Variants in HELZ observed in about 807,000 individuals in gnomAD.
The protein encoded by HELZ is ATP-dependent RNA helicase with zinc finger domain.
A neutral mutation model predicts 218.2 loss-of-function variants in HELZ; 23 were observed. The ratio of observed to expected loss-of-function variants is 0.11; its 90% CI spans 0.08 to 0.15. The LOEUF (loss-of-function observed/expected upper bound fraction) is 0.15. Ranked by LOEUF, HELZ falls within the 10% of genes least tolerant of loss-of-function variation. The pLI is 1.00. For synonymous variants in HELZ, 814 were observed against 829.4 expected (o/e 0.98, Z 0.32); for missense variants, 1,813 against 2,353.7 (o/e 0.77, Z 4.75).
chr17:67,171,961 A>C (rs973868987), intron 13 of HELZ, among the ~76,000 whole-genome samples: 2 of 151,640 alleles, frequency 1.3e-5, no homozygotes, highest in African/African-American at 4.9e-5. Flanking sequence ...CCTCCCGAGT[A>C]GCTGGGATTA....
intron 13 of HELZ, among the ~76,000 whole-genome samples, chr17:67,178,230 G>A (rs899344954): frequency 1.3e-5 from 2 of 152,042 alleles, no homozygotes; most frequent in South Asian, 2.1e-4. Flanking sequence ...TTATTAACCC[G>A]TTTTCCTGAA....
At position 67,076,902 on chromosome 17, in the gene HELZ, T is replaced by C. The variant is rs928768896; in HGVS notation, c.*1350A>G. On this transcript the variant is annotated 3_prime_UTR_variant, in exon 33 of 33. Transcript: ENST00000358691. The stretch of plus-strand genomic sequence containing the variant: ...GTAGTTTCGAGATACCTCTGAAATA[T>C]AAAAGTAGTATTACAAGGTCAGGAA... 1 of 152,148 alleles carries C rather than the reference T, an allele frequency of 6.6e-6. No homozygotes were observed. Among genetic ancestry groups the C allele is most frequent in the Non-Finnish European group, 1.5e-5 (1 of 68,036 alleles). 9.4% of individuals were successfully genotyped at this position (152,148 alleles called of 1,614,324 possible).
chr17:67,195,466 G>A lies in HELZ; in HGVS notation c.434C>T (p.Ala145Val). 1.3e-6 allele frequency: 2 copies of A among 1,594,794 alleles called. 1 individual carries two copies. The highest frequency in any genetic ancestry group is 4.5e-5 in the East Asian group (2 of 44,766). The change falls in exon 8 of 33, where the codon GCA becomes GTA. Residue 145 changes from alanine to valine, a missense_variant. Coordinates refer to ENST00000358691, the MANE Select transcript of HELZ (RefSeq NM_014877.4). ...ATATCCAGAGAGGGCGTTACTAGTT[G>A]CTGTCTGCAATTTTCCAAATGAAAG... ...LKTLLSETET[A>V]TSNALSGYHV...
chr17:67,157,877 C>T (rs1006540717), intron 17 of HELZ, among the ~76,000 whole-genome samples: 1 of 152,182 alleles, frequency 6.6e-6, no homozygotes, highest in African/African-American at 2.4e-5. Flanking sequence ...AAATACACCC[C>T]TCCATAGATG....
intron 3 of HELZ, among the ~76,000 whole-genome samples, chr17:67,221,842 GT>G (rs375220068): frequency 0.015 from 2,014 of 131,220 alleles, 18 homozygotes; most frequent in South Asian, 0.03. Flanking sequence ...TGTTTTTTGT[GT>G]TTTTTTTTTT....
At chr17:67,241,206 C>T (rs1247216332) in intron 2 of HELZ, among the ~76,000 whole-genome samples, 1 of 152,190 alleles carries the variant, frequency 6.6e-6, no homozygotes, top group African/African-American at 2.4e-5. Context: ...GTATATTCAC[C>T]TAAGTTTATG....
At chr17:67,155,889 A>G (rs2038825975) in intron 17 of HELZ, among the ~76,000 whole-genome samples, 1 of 150,964 alleles carries the variant, frequency 6.6e-6, no homozygotes, top group Non-Finnish European at 1.5e-5. Context: ...AATATCCAAA[A>G]CCAAATTAAG....
At chr17:67,179,040 G>C in intron 12 of HELZ, 114 bp from the exon 13 acceptor site, 1 of 656,798 alleles carries the variant, frequency 1.5e-6, no homozygotes, top group Non-Finnish European at 2.5e-6. Flanking sequence ...ATATGCTAGA[G>C]CTCAAATTCT....
At chr17:67,183,739 C>T (rs1298995862) in intron 12 of HELZ, among the ~76,000 whole-genome samples, 1 of 152,112 alleles carries the variant, frequency 6.6e-6, no homozygotes, top group Non-Finnish European at 1.5e-5. Context: ...GGGGATAACT[C>T]ACTAGCTTCC....
intron 27 of HELZ, among the ~76,000 whole-genome samples, chr17:67,118,328 CAAA>C (rs1216736728): frequency 6.6e-6 from 1 of 152,054 alleles, no homozygotes; most frequent in Admixed American, 6.5e-5. Flanking sequence ...AAAATAACAA[CAAA>C]ATCTCAGTCC....
intron 32 of HELZ, among the ~76,000 whole-genome samples, chr17:67,084,329 T>C (rs1472505841): frequency 6.6e-6 from 1 of 152,198 alleles, no homozygotes; most frequent in East Asian, 1.9e-4. Context: ...GTCAGCTTTT[T>C]ATTAATTTCA....
In HELZ at chr17:67,150,026, A is replaced by G. The variant is rs775859425; in HGVS notation, c.2357-41T>C. The G allele has an allele frequency of 3.4e-6, 4 of 1,187,852 alleles. No individual in the cohort carries two copies. In the East Asian group the frequency reaches 9.6e-5, roughly 29 times the overall value. The allele number at this position is 1,187,852 out of a possible 1,614,324, so 73.6% of individuals were successfully genotyped here. On this transcript the variant is annotated intron_variant, in intron 18 of 32. Coordinates refer to ENST00000358691, the MANE Select transcript of HELZ (RefSeq NM_014877.4). ...TAAACACAGGATAGCACGCTAGAGC[A>G]GCAACAAAGGCAGAAGGACTATAGT...
In HELZ at chr17:67,218,692, T is replaced by G. The variant is rs948693651; in HGVS notation, c.113A>C (p.Gln38Pro). 1.2e-6 allele frequency: 2 copies of G among 1,614,090 alleles called. No individual in the cohort carries two copies. The highest frequency in any genetic ancestry group is 1.1e-5 in the South Asian group (1 of 91,086). The change falls in exon 4 of 33, where the codon CAG becomes CCG. Residue 38 changes from glutamine to proline, a missense_variant. Physicochemically the swap from Gln to Pro is moderately conservative, Grantham distance 76. Around this residue, in one of 4 missense-constraint regions of HELZ, gnomAD observed 714 missense variants for 1,029.2 expected, o/e 0.69. Coordinates refer to ENST00000358691, the MANE Select transcript of HELZ (RefSeq NM_014877.4). Reference sequence around the variant, plus strand: ...CCCTGTGAAGTCTGCCATGGAGTACTGGCCAAGAGAAAGAAGGGCCTCTGT... The same window carrying G: ...CCCTGTGAAGTCTGCCATGGAGTACGGGCCAAGAGAAAGAAGGGCCTCTGT... Reference protein sequence around the residue: ...HCTEALLSLGQYSMADFTGPC... With the variant: ...HCTEALLSLGPYSMADFTGPC...
chr17:67,118,900 A>G (rs2037512463), intron 27 of HELZ, among the ~76,000 whole-genome samples: 2 of 152,036 alleles, frequency 1.3e-5, no homozygotes, highest in African/African-American at 4.8e-5. Context: ...ATAAAAAGAT[A>G]CTCAACATCA....
chr17:67,151,329 G>A (rs2038675635), intron 17 of HELZ, 105 bp from the exon 18 acceptor site: 3 of 914,716 alleles, frequency 3.3e-6, no homozygotes, highest in Non-Finnish European at 5.0e-6. Flanking sequence ...TATCTGAAAA[G>A]TTACAAATGA....
At position 67,188,550 on chromosome 17, in the gene HELZ, C is replaced by T; in HGVS notation, c.931G>A (p.Ala311Thr). The change falls in exon 12 of 33, where the codon GCA becomes ACA. Residue 311 changes from alanine (A) to threonine (T), a missense_variant. Physicochemically the swap from Ala to Thr is moderately conservative, Grantham distance 58. Coordinates refer to ENST00000358691, the MANE Select transcript of HELZ (RefSeq NM_014877.4). This position sits in a 1 kb window ranked among gnomAD's most constrained non-coding sequence, Gnocchi z 4.1. ...DAHRPHFSII[A>T]ISAGDSTTQV... ...GTAGTACTATCTCCGGCAGATATTGCAATGATACTAAAATGAGGACGATGA... is the reference window on the plus strand; with the variant it reads ...GTAGTACTATCTCCGGCAGATATTGTAATGATACTAAAATGAGGACGATGA... 1.9e-6 allele frequency: 3 copies of T among 1,613,618 alleles called. No individual in the cohort carries two copies. The highest frequency in any genetic ancestry group is 1.7e-6 in the Non-Finnish European group (2 of 1,179,676).
At position 67,107,569 on chromosome 17, in the gene HELZ, C is replaced by T. The variant is rs1470540384; in HGVS notation, c.4841G>A (p.Ser1614Asn). Residue 1614 changes from serine (S) to asparagine (N), a missense_variant, in exon 31 of 33, where the codon AGC becomes AAC. By Grantham distance (46) the Ser-to-Asn change is conservative. This residue lies in a region of HELZ where 938 missense variants were observed against 1,027.5 expected (regional missense o/e 0.91). Transcript: ENST00000358691. Reference sequence around the variant, plus strand: ...TGGGGGAGATGGGACTGCTGGTGGGCTTCTACTCTGTACTTGTCTATATTG... The same window carrying T: ...TGGGGGAGATGGGACTGCTGGTGGGTTTCTACTCTGTACTTGTCTATATTG... Reference protein sequence around the residue: ...LLQYRQVQSRSPPAVPSPPSS... With the variant: ...LLQYRQVQSRNPPAVPSPPSS... 1 of 1,614,014 alleles carries T rather than the reference C, an allele frequency of 6.2e-7. No homozygotes were observed. Among genetic ancestry groups the T allele is most frequent in the African/African-American group, 1.3e-5 (1 of 74,900 alleles).
chr17:67,133,317 C>T (rs967213335), intron 23 of HELZ, among the ~76,000 whole-genome samples: 5 of 152,104 alleles, frequency 3.3e-5, no homozygotes, highest in Non-Finnish European at 5.9e-5. Context: ...AACATGGCCT[C>T]AGGAAGAATT....
At chr17:67,225,273 A>T in intron 3 of HELZ, 1 of 205,512 alleles carries the variant, frequency 4.9e-6, no homozygotes, top group Non-Finnish European at 9.8e-6. Context: ...TGTTATTATC[A>T]TTCCCATTCA....
Sources: gnomAD v4.1 joint callset for allele counts (sites outside exome capture counted in the v4.1 genomes callset) on GRCh38, gnomAD v4.1.1 for gene constraint, gnomAD v4.1.1 regional missense constraint, Gnocchi (gnomAD v3.1) non-coding constraint, MANE v1.5 for transcripts, NCBI Gene and HGNC (gene_info 2026-07-23, HGNC 2026-07-21) for gene names.